DSCAML1: variants seen among roughly 807,000 people sequenced by gnomAD.
The protein encoded by DSCAML1 is DS cell adhesion molecule like 1.
In DSCAML1, 38 loss-of-function variants were observed where a neutral mutation model predicts 200.5. That is an observed-to-expected ratio of 0.19 (90% CI 0.15 to 0.25). DSCAML1 has a LOEUF of 0.25. Ranked by LOEUF, DSCAML1 falls within the 10% of genes least tolerant of loss-of-function variation. The pLI is 1.00. For synonymous variants in DSCAML1, 1,215 were observed against 1,165.0 expected, an observed-to-expected ratio of 1.04 and a Z score of -0.87; for missense variants, 2,223 against 2,858.8, an observed-to-expected ratio of 0.78 and a Z score of 5.07.
rs569736423 is a variant in DSCAML1 at position 117,701,942 on chromosome 11, C to T, written c.511+74849G>A. ...CCAGGTGCAGGGTAAACAGACAGCG[C>T]GTGGCAGCTGTGGTTACTGCAGTGC... On this transcript the variant is annotated intron_variant, in intron 3 of 32. Transcript: ENST00000651296. Among the ~76,000 whole-genome samples, 266 of 152,312 alleles carry T rather than the reference C, an allele frequency of 1.7e-3. 2 individuals carry two copies. Among genetic ancestry groups the T allele is most frequent in the African/African-American group, 5.7e-3 (236 of 41,572 alleles).
At chr11:117,559,953 A>G (rs1783292910) in intron 3 of DSCAML1, among the ~76,000 whole-genome samples, 1 of 152,026 alleles carries the variant, frequency 6.6e-6, no homozygotes, top group African/African-American at 2.4e-5. Context: ...AAAGGGGGAA[A>G]GTCCTGCCCC....
At chr11:117,679,852 T>A (rs1176345980) in intron 3 of DSCAML1, among the ~76,000 whole-genome samples, 1 of 152,140 alleles carries the variant, frequency 6.6e-6, no homozygotes, top group Non-Finnish European at 1.5e-5. Context: ...GAGCAGTCCC[T>A]CCACAATGAT....
In DSCAML1 at chr11:117,428,142, A is replaced by G. The variant is rs1373626750; in HGVS notation, c.*186T>C. ...TCTTTGTGCCCTGGCTTCATGGAGAAGAAGAAAATAGTTTCATTTGTACAA... is the reference window on the plus strand; with the variant it reads ...TCTTTGTGCCCTGGCTTCATGGAGAGGAAGAAAATAGTTTCATTTGTACAA... On this transcript the variant is annotated 3_prime_UTR_variant, in exon 33 of 33. Coordinates refer to ENST00000651296, the MANE Select transcript of DSCAML1 (RefSeq NM_020693.4). 4 of 529,876 alleles carry G rather than the reference A, an allele frequency of 7.5e-6. No individual in the cohort carries two copies. The allele number at this position is 529,876 out of a possible 1,614,324, so 32.8% of individuals were successfully genotyped here.
chr11:117,514,473 C>T (rs1411955793), intron 8 of DSCAML1, among the ~76,000 whole-genome samples: 4 of 151,534 alleles, frequency 2.6e-5, no homozygotes, highest in Admixed American at 1.3e-4. Flanking sequence ...TTCCCTGGCT[C>T]GGGGCCATTC....
At chr11:117,683,965 A>C (rs142434930) in intron 3 of DSCAML1, among the ~76,000 whole-genome samples, 8 of 152,338 alleles carry the variant, frequency 5.3e-5, no homozygotes, top group Admixed American at 3.3e-4. Context: ...AAATGCAGGC[A>C]GATATATGTG....
At chr11:117,621,654 G>A (rs2051933953) in intron 3 of DSCAML1, among the ~76,000 whole-genome samples, 1 of 152,068 alleles carries the variant, frequency 6.6e-6, no homozygotes, top group African/African-American at 2.4e-5. Context: ...ATTTTTTTGG[G>A]GAAAAGAACT....
At chr11:117,769,538 AT>A (rs1430723319) in intron 3 of DSCAML1, among the ~76,000 whole-genome samples, 9 of 18,444 alleles carry the variant, frequency 4.9e-4, no homozygotes, top group African/African-American at 1.4e-3. Context: ...TTTTATATAT[AT>A]TATATATTTT....
intron 8 of DSCAML1, among the ~76,000 whole-genome samples, chr11:117,514,572 C>CTTTTTTTTTTTT (rs532136039): frequency 4.3e-4 from 42 of 98,296 alleles, no homozygotes; most frequent in East Asian, 1.2e-3. Context: ...TTTTCTTTTT[C>CTTTTTTTTTTTT]TTTTTTTTTT....
intron 3 of DSCAML1, among the ~76,000 whole-genome samples, chr11:117,773,864 G>C (rs917021382): frequency 1.1e-4 from 17 of 152,156 alleles, no homozygotes; most frequent in South Asian, 2.1e-4. Flanking sequence ...TGGGCCAGGA[G>C]AGGAAAATTC....
intron 1 of DSCAML1, among the ~76,000 whole-genome samples, chr11:117,804,260 G>A (rs1036198590): frequency 2.0e-5 from 3 of 152,170 alleles, no homozygotes; most frequent in Non-Finnish European, 4.4e-5. Context: ...TCTGAGAGGG[G>A]GCAGTGCCTT....
At chr11:117,490,900 A>G (rs1051683951) in intron 11 of DSCAML1, among the ~76,000 whole-genome samples, 2 of 152,188 alleles carry the variant, frequency 1.3e-5, no homozygotes, top group Non-Finnish European at 2.9e-5. Context: ...CAGGGCCAGG[A>G]GGCCAGTCCA....
At position 117,546,967 on chromosome 11, in the gene DSCAML1, C is replaced by T. The variant is rs373314069; in HGVS notation, c.512-14445G>A. Among the ~76,000 whole-genome samples, 11 of 152,208 alleles carry T rather than the reference C, an allele frequency of 7.2e-5. No homozygotes were observed. The East Asian group carries it at 1.5e-3, about 21-fold the overall frequency. ...ATTGTAATAGCATTTCCCTGACATTCATTAGACATGCATGAGAGGGGCGCT... is the reference window on the plus strand; with the variant it reads ...ATTGTAATAGCATTTCCCTGACATTTATTAGACATGCATGAGAGGGGCGCT... On this transcript the variant is annotated intron_variant, in intron 3 of 32. Coordinates refer to ENST00000651296, the MANE Select transcript of DSCAML1 (RefSeq NM_020693.4).
At chr11:117,664,690 G>A (rs1322871793) in intron 3 of DSCAML1, among the ~76,000 whole-genome samples, 2 of 152,204 alleles carry the variant, frequency 1.3e-5, no homozygotes, top group Admixed American at 6.5e-5. Context: ...AGTGTTATGA[G>A]TATTCATGGA....
Position 117,780,302 on chromosome 11 carries a change from A to AAGAAAGAAAGAAAG in DSCAML1, c.364+190_364+191insCTTTCTTTCTTTCT. ...AAAGAAAGAAAGAAAGAAAGAAAGA[A>AAGAAAGAAAGAAAG]AGAGAGAAAGGAGAAAGAAAGGTGT... On this transcript the variant is annotated intron_variant, in intron 2 of 32. Coordinates refer to ENST00000651296, the MANE Select transcript of DSCAML1 (RefSeq NM_020693.4). This position sits in a 1 kb window ranked among gnomAD's most constrained non-coding sequence, Gnocchi z 4.8. 8.7e-6 allele frequency among the ~76,000 whole-genome samples: 1 copy of AAGAAAGAAAGAAAG among 115,192 alleles called. No homozygotes were observed. The highest frequency in any genetic ancestry group is 3.1e-4 in the South Asian group (1 of 3,274). 75.6% of individuals were successfully genotyped at this position (115,192 alleles called of 152,430 possible). A position where few individuals can be genotyped will look rare whatever the true frequency, so the allele number is the denominator to read the frequency against.
At chr11:117,772,476 C>T (rs2055057173) in intron 3 of DSCAML1, among the ~76,000 whole-genome samples, 1 of 152,164 alleles carries the variant, frequency 6.6e-6, no homozygotes, top group South Asian at 2.1e-4. Context: ...GACAAAGGAG[C>T]TGATGCAGGC....
At chr11:117,453,883 C>T (rs977535025) in intron 19 of DSCAML1, among the ~76,000 whole-genome samples, 38 of 152,024 alleles carry the variant, frequency 2.5e-4, no homozygotes, top group African/African-American at 9.2e-4. Context: ...GCTGGGATTA[C>T]AGGCACCTGC....
intron 3 of DSCAML1, among the ~76,000 whole-genome samples, chr11:117,706,412 C>T (rs554298344): frequency 6.5e-4 from 99 of 152,258 alleles, no homozygotes; most frequent in African/African-American, 2.0e-3. Context: ...GACTCGGTGC[C>T]GGTCTATTCC....
intron 29 of DSCAML1, 60 bp downstream of exon 29, chr11:117,433,078 G>T: frequency 6.8e-7 from 1 of 1,474,160 alleles, no homozygotes; most frequent in Non-Finnish European, 9.5e-7. Context: ...GACTTCCATG[G>T]GTTGTAGCCT....
intron 3 of DSCAML1, among the ~76,000 whole-genome samples, chr11:117,724,570 T>C (rs1244790341): frequency 6.6e-6 from 1 of 152,238 alleles, no homozygotes; most frequent in Non-Finnish European, 1.5e-5. Context: ...TGCTCAGTAT[T>C]TATTTCACCA....
Sources: allele counts gnomAD v4.1 joint callset (sites outside exome capture counted in the v4.1 genomes callset), GRCh38; gene constraint gnomAD v4.1.1; non-coding constraint Gnocchi (gnomAD v3.1); transcripts MANE v1.5; gene names NCBI Gene and HGNC (gene_info 2026-07-23, HGNC 2026-07-21).